The following LY75 variants were observed in gnomAD, a reference collection of about 807,000 sequenced individuals.
LY75 encodes lymphocyte antigen 75.
A neutral mutation model predicts 231.7 loss-of-function variants in LY75; 185 were observed. The observed-to-expected ratio is 0.80, with a 90% CI of 0.71 to 0.90. The LOEUF (loss-of-function observed/expected upper bound fraction) is 0.90, where lower values mean the gene tolerates loss of function less well. Among genes scored for constraint, LY75 ranks in the 40% least tolerant of loss-of-function variants. The pLI, the probability that LY75 is intolerant of heterozygous loss-of-function variation, is 0.00. For missense variants in LY75, 1,947 were observed against 2,050.2 expected (o/e 0.95, Z 0.97); for synonymous variants, 668 against 689.0 (o/e 0.97, Z 0.48).
At chr2:159,853,474 T>C (rs1054938213) in intron 19 of LY75, 122 bp from the exon 20 acceptor site, 2 of 1,465,214 alleles carry the variant, frequency 1.4e-6, no homozygotes, top group African/African-American at 2.9e-5. Flanking sequence ...TACCCCTTTT[T>C]TCTTGATGCT....
rs1373314029 is a variant in LY75 at position 159,904,675 on chromosome 2, G to C, written c.8C>G (p.Thr3Arg). Residue 3 changes from threonine (T) to arginine (R), a missense_variant, in exon 1 of 35, where the codon ACA becomes AGA. Thr to Arg is a moderately conservative substitution (Grantham distance 71, BLOSUM62 -1). Transcript: ENST00000263636. ...CGGGCGGCGAGGGGTCGCCCAGCCT[G>C]TCCTCATCCTGAGCTGGCGCAAGCC... Reference protein sequence around the residue: MRTGWATPRRPAG... With the variant: MRRGWATPRRPAG... 6.9e-7 allele frequency: 1 copy of C among 1,457,100 alleles called. No individual in the cohort carries two copies. Among genetic ancestry groups the C allele is most frequent in the Non-Finnish European group, 9.0e-7 (1 of 1,109,580 alleles). The allele number at this position is 1,457,100 out of a possible 1,614,324, so 90.3% of individuals were successfully genotyped here.
At chr2:159,835,707 G>T in intron 25 of LY75, 62 bp from the exon 26 acceptor site, 1 of 1,572,750 alleles carries the variant, frequency 6.4e-7, no homozygotes, top group East Asian at 2.3e-5. Context: ...GTATTATTTT[G>T]ACTCCCATGG....
At chr2:159,813,821 T>C (rs77351231) in intron 31 of LY75, 2 of 152,238 alleles carry the variant, frequency 1.3e-5, no homozygotes, top group Admixed American at 1.3e-4. Context: ...ACAGAACTTA[T>C]GTCTGGCCAT....
intron 31 of LY75, 148 bp from the exon 32 acceptor site, chr2:159,810,823 A>G (rs1201190305): frequency 1.0e-5 from 12 of 1,144,244 alleles, no homozygotes; most frequent in Admixed American, 6.6e-5. Context: ...CCCACACTCT[A>G]TAAATACATA....
Position 159,854,985 on chromosome 2 carries a change from C to T in LY75, c.2384-46G>A, listed in dbSNP as rs1434341837. On this transcript the variant is annotated intron_variant, in intron 16 of 34. Transcript: ENST00000263636. The stretch of plus-strand genomic sequence containing the variant: ...GTGGCATTAGTATTCCATGACAGAT[C>T]AGGGTATACTATAAGTACGGCCTTT... The T allele has an allele frequency of 2.5e-6, 4 of 1,610,706 alleles. No homozygotes were observed. The African/African-American group carries it at 4.0e-5, about 16-fold the overall frequency.
At chr2:159,882,050 C>A in intron 7 of LY75, 74 bp downstream of exon 7, 1 of 1,511,378 alleles carries the variant, frequency 6.6e-7, no homozygotes, top group South Asian at 1.3e-5. Flanking sequence ...CTTTTCATTC[C>A]CACAAAGAGT....
intron 27 of LY75, among the ~76,000 whole-genome samples, chr2:159,833,499 A>G (rs1683728555): frequency 6.6e-6 from 1 of 152,236 alleles, no homozygotes; most frequent in Non-Finnish European, 1.5e-5. Flanking sequence ...GAAAGGAGTT[A>G]TGCCTATACT....
rs187869623 is a variant in LY75 at position 159,850,789 on chromosome 2, T to C, written c.2884-322A>G. 2.3e-5 allele frequency among the ~76,000 whole-genome samples: 2 copies of C among 88,666 alleles called. 1 individual carries two copies. Among genetic ancestry groups the C allele is most frequent in the African/African-American group, 7.5e-5 (2 of 26,512 alleles). The allele number at this position is 88,666 out of a possible 152,430, so 58.2% of individuals were successfully genotyped here. A position where few individuals can be genotyped will look rare whatever the true frequency, so the allele number is the denominator to read the frequency against. On this transcript the variant is annotated intron_variant, in intron 21 of 34. Coordinates refer to ENST00000263636, the MANE Select transcript of LY75 (RefSeq NM_002349.4). ...TCAAACTTTCATATATATATATATA[T>C]ATATATATATTATATCTTATATATA...
At chr2:159,862,657 T>C (rs1684747847) in intron 14 of LY75, among the ~76,000 whole-genome samples, 2 of 131,960 alleles carry the variant, frequency 1.5e-5, no homozygotes, top group Admixed American at 1.7e-4. Flanking sequence ...GGTTGTATGA[T>C]ACGTGAATGT....
chr2:159,884,823 G>A (rs1316586867), intron 6 of LY75, among the ~76,000 whole-genome samples: 1 of 152,192 alleles, frequency 6.6e-6, no homozygotes, highest in Non-Finnish European at 1.5e-5. Flanking sequence ...TGCTGATGCT[G>A]TTGGTCTGGG....
chr2:159,805,539 A>G (rs995137520), intron 34 of LY75, among the ~76,000 whole-genome samples: 13 of 152,226 alleles, frequency 8.5e-5, no homozygotes, highest in Non-Finnish European at 1.9e-4. Flanking sequence ...ATTTGGGAAC[A>G]TCACTACTTG....
At chr2:159,811,075 A>G (rs997427293) in intron 31 of LY75, among the ~76,000 whole-genome samples, 3 of 152,114 alleles carry the variant, frequency 2.0e-5, no homozygotes. Context: ...AAGTTTCACC[A>G]TGCTGGCCAG....
Position 159,817,021 on chromosome 2 carries a change from C to T in LY75, c.4165G>A (p.Glu1389Lys), listed in dbSNP as rs772841384. 2.5e-6 allele frequency: 4 copies of T among 1,604,706 alleles called. No individual in the cohort carries two copies. Among genetic ancestry groups the T allele is most frequent in the Non-Finnish European group, 3.4e-6 (4 of 1,175,584 alleles). Residue 1389 changes from glutamate to lysine, a missense_variant, in exon 30 of 35, where the codon GAA becomes AAA. Glu to Lys is a moderately conservative substitution (Grantham distance 56, BLOSUM62 1). Transcript: ENST00000263636. ...TGTGGCAGTGTAGTATTATATTCTTCTTTGTAGTCAACTATAATAATTAAA... is the reference window on the plus strand; with the variant it reads ...TGTGGCAGTGTAGTATTATATTCTTTTTTGTAGTCAACTATAATAATTAAA... ...ACKIEMVDYK[E>K]EYNTTLPQFM...
chr2:159,891,718 G>T (rs1302252387), intron 3 of LY75, among the ~76,000 whole-genome samples: 2 of 152,164 alleles, frequency 1.3e-5, no homozygotes, highest in African/African-American at 4.8e-5. Flanking sequence ...AAGGTACAGT[G>T]GGGGTAAATA....
At chr2:159,829,830 A>G (rs909940510) in intron 28 of LY75, among the ~76,000 whole-genome samples, 1 of 152,210 alleles carries the variant, frequency 6.6e-6, no homozygotes, top group Non-Finnish European at 1.5e-5. Context: ...GTAAAACAAT[A>G]AGGGAGTCTT....
rs374238541 is a variant in LY75, at chr2:159,872,593, C to T, written c.1975G>A (p.Val659Ile). The T allele has an allele frequency of 2.4e-5, 38 of 1,609,902 alleles. No homozygotes were observed. Among genetic ancestry groups the T allele is most frequent in the Non-Finnish European group, 3.1e-5 (36 of 1,178,892 alleles). ...CTTACAATTCTTTCTGCATGGAATA[C>T]CTTAGCAAAATATAATATTAATTTG... ...SFPASLSCYK[V>I]FHAERIVRKR... is the part of the protein sequence containing the mutation. Residue 659 changes from valine (V) to isoleucine (I), a missense_variant and splice_region_variant, in exon 13 of 35, where the codon GTA (valine) becomes ATA (isoleucine). Coordinates refer to ENST00000263636, the MANE Select transcript of LY75 (RefSeq NM_002349.4).
chr2:159,849,892 C>T, intron 23 of LY75, 88 bp downstream of exon 23: 1 of 1,490,988 alleles, frequency 6.7e-7, no homozygotes, highest in Middle Eastern at 1.8e-4. Context: ...TGGAATAATA[C>T]AGTGGGGTTT....
At chr2:159,811,306 C>G (rs1029271491) in intron 31 of LY75, among the ~76,000 whole-genome samples, 1 of 151,934 alleles carries the variant, frequency 6.6e-6, no homozygotes, top group African/African-American at 2.4e-5. Flanking sequence ...ATCACTCAAA[C>G]AAAAAAAGAC....
At chr2:159,854,711 C>T (rs1444059772) in intron 17 of LY75, among the ~76,000 whole-genome samples, 176 bp from the exon 18 acceptor site, 2 of 152,184 alleles carry the variant, frequency 1.3e-5, no homozygotes, top group African/African-American at 4.8e-5. Flanking sequence ...TCTGCCACTC[C>T]CCTACACTCA....
Sources: allele counts gnomAD v4.1 joint callset (sites outside exome capture counted in the v4.1 genomes callset), GRCh38; gene constraint gnomAD v4.1.1; transcripts MANE v1.5; gene names NCBI Gene and HGNC (gene_info 2026-07-23, HGNC 2026-07-21).